PLPPR1: variants seen among roughly 807,000 people sequenced by gnomAD.
PLPPR1 encodes phospholipid phosphatase-related protein type 1.
PLPPR1 carries 10 observed loss-of-function variants against 33.1 expected under a neutral mutation model. The observed-to-expected ratio is 0.30, with a 90% CI of 0.19 to 0.51. The LOEUF is 0.51. Among genes scored for constraint, PLPPR1 ranks in the 20% least tolerant of loss-of-function variants. The pLI, the probability that PLPPR1 is intolerant of heterozygous loss-of-function variation, is 0.97. For synonymous variants in PLPPR1, 151 were observed against 151.0 expected, an observed-to-expected ratio of 1.00 and a Z score of 0.00; for missense variants, 304 against 408.1, an observed-to-expected ratio of 0.74 and a Z score of 2.20.
chr9:101,198,707 G>A (rs1166975226), intron 2 of PLPPR1, among the ~76,000 whole-genome samples: 2 of 152,116 alleles, frequency 1.3e-5, no homozygotes, highest in Non-Finnish European at 2.9e-5. Flanking sequence ...ACCTGAAGAC[G>A]GTGAGGTGGT....
chr9:101,143,515 T>C (rs1831480681), intron 1 of PLPPR1, among the ~76,000 whole-genome samples: 1 of 152,128 alleles, frequency 6.6e-6, no homozygotes, highest in African/African-American at 2.4e-5. Context: ...GAGAAAATTT[T>C]TACAATCTAC....
chr9:101,315,327 G>T (rs1020383493), intron 6 of PLPPR1, among the ~76,000 whole-genome samples: 1 of 152,134 alleles, frequency 6.6e-6, no homozygotes, highest in Non-Finnish European at 1.5e-5. Flanking sequence ...GTTTCAAAGG[G>T]AGATCAATGG....
chr9:101,070,307 G>A (rs1479615132), intron 1 of PLPPR1, among the ~76,000 whole-genome samples: 5 of 151,898 alleles, frequency 3.3e-5, no homozygotes, highest in African/African-American at 1.2e-4. Flanking sequence ...TATATACTTT[G>A]GGTTATAATC....
chr9:101,320,400 C>T lies in PLPPR1; in HGVS notation c.945+2904C>T, dbSNP rs566509338. On this transcript the variant is annotated intron_variant, in intron 7 of 7. Transcript: ENST00000374874. ...CTTATTTACCATGTATCCTGGCATCCACTAGGTGTGAAATACATATTGATG... is the reference window on the plus strand; with the variant it reads ...CTTATTTACCATGTATCCTGGCATCTACTAGGTGTGAAATACATATTGATG... Among the ~76,000 whole-genome samples the T allele has an allele frequency of 5.3e-5, 8 of 152,290 alleles. No individual in the cohort carries two copies. The South Asian group carries it at 1.7e-3, about 32-fold the overall frequency.
At chr9:101,235,768 T>C (rs1564010366) in intron 2 of PLPPR1, among the ~76,000 whole-genome samples, 1 of 151,744 alleles carries the variant, frequency 6.6e-6, no homozygotes, top group Non-Finnish European at 1.5e-5. Context: ...GGCACAGTAT[T>C]CACCAGCTTC....
intron 1 of PLPPR1, among the ~76,000 whole-genome samples, chr9:101,100,871 T>A (rs1830889690): frequency 6.6e-6 from 1 of 152,098 alleles, no homozygotes; most frequent in Non-Finnish European, 1.5e-5. Flanking sequence ...GAACTGTGGT[T>A]AGTAATGCAA....
chr9:101,185,306 A>G (rs180830514), intron 1 of PLPPR1, 144 bp from the exon 2 acceptor site: 5 of 463,922 alleles, frequency 1.1e-5, no homozygotes, highest in Non-Finnish European at 1.9e-5. Context: ...GTCTGACTTG[A>G]CTGTGTTGTA....
chr9:101,240,771 C>T (rs1435553259), intron 2 of PLPPR1, among the ~76,000 whole-genome samples: 1 of 152,050 alleles, frequency 6.6e-6, no homozygotes, highest in African/African-American at 2.4e-5. Flanking sequence ...GGAAAATCAG[C>T]CAATGTCTTA....
chr9:101,277,177 G>A (rs578256962), intron 3 of PLPPR1, among the ~76,000 whole-genome samples: 1 of 152,198 alleles, frequency 6.6e-6, no homozygotes, highest in African/African-American at 2.4e-5. Context: ...TACTATTGAA[G>A]CCTCCCAGGG....
chr9:101,100,951 C>A (rs1249988653), intron 1 of PLPPR1, among the ~76,000 whole-genome samples: 2 of 152,072 alleles, frequency 1.3e-5, no homozygotes, highest in Non-Finnish European at 2.9e-5. Flanking sequence ...TGCCTGATCT[C>A]AAAACTCACA....
chr9:101,112,674 T>C (rs1021840359), intron 1 of PLPPR1, among the ~76,000 whole-genome samples: 4 of 152,200 alleles, frequency 2.6e-5, no homozygotes, highest in Admixed American at 2.6e-4. Flanking sequence ...CTTCACACTT[T>C]GGGGAAATGT....
At chr9:101,290,291 T>A (rs1057076416) in intron 4 of PLPPR1, among the ~76,000 whole-genome samples, 3 of 152,220 alleles carry the variant, frequency 2.0e-5, no homozygotes, top group Non-Finnish European at 2.9e-5. Context: ...TGACAACTGT[T>A]TCCACTAGCC....
intron 1 of PLPPR1, among the ~76,000 whole-genome samples, chr9:101,120,150 A>G (rs1831160845): frequency 6.6e-6 from 1 of 152,234 alleles, no homozygotes; most frequent in Non-Finnish European, 1.5e-5. Context: ...TGCACATGTA[A>G]TAATAAAAAT....
intron 1 of PLPPR1, among the ~76,000 whole-genome samples, chr9:101,081,036 A>G (rs1564139190): frequency 6.6e-6 from 1 of 151,998 alleles, no homozygotes; most frequent in Non-Finnish European, 1.5e-5. Context: ...CTGATTTAGA[A>G]TTCTGCTTTC....
At chr9:101,252,260 A>G (rs1175415395) in intron 2 of PLPPR1, among the ~76,000 whole-genome samples, 2 of 152,154 alleles carry the variant, frequency 1.3e-5, no homozygotes, top group East Asian at 3.9e-4. Flanking sequence ...ACAGGTATAG[A>G]ACATTTCCAT....
rs1830220478 is a variant in PLPPR1 at position 101,051,313 on chromosome 9, C to G, written c.-46+22211C>G. On this transcript the variant is annotated intron_variant, in intron 1 of 7. Transcript: ENST00000374874. ...CTACTACCACTACCACTATCTCTCT[C>G]TCTCTCTGTCTCTCTCTTGCTAATC... Among the ~76,000 whole-genome samples, 5 of 152,180 alleles carry G rather than the reference C, an allele frequency of 3.3e-5. No individual in the cohort carries two copies. In the South Asian group the frequency reaches 1.0e-3, roughly 32 times the overall value.
intron 1 of PLPPR1, among the ~76,000 whole-genome samples, chr9:101,169,269 C>A (rs1183800835): frequency 6.6e-6 from 1 of 152,084 alleles, no homozygotes; most frequent in Admixed American, 6.6e-5. Context: ...TTTCTTTCAG[C>A]CTTTGATTTT....
At chr9:101,267,134 C>T (rs889246883) in intron 2 of PLPPR1, among the ~76,000 whole-genome samples, 1 of 152,172 alleles carries the variant, frequency 6.6e-6, no homozygotes, top group African/African-American at 2.4e-5. Flanking sequence ...GAGACAGAGC[C>T]TTAAAACTGT....
chr9:101,140,596 C>T (rs914777714), intron 1 of PLPPR1, among the ~76,000 whole-genome samples: 3 of 152,046 alleles, frequency 2.0e-5, no homozygotes, highest in Admixed American at 6.6e-5. Context: ...CTAAATAGCC[C>T]CTTCTAGAAG....
Sources: allele counts gnomAD v4.1 joint callset (sites outside exome capture counted in the v4.1 genomes callset), GRCh38; gene constraint gnomAD v4.1.1; transcripts MANE v1.5; gene names NCBI Gene and HGNC (gene_info 2026-07-23, HGNC 2026-07-21).